The following SLC20A2 variants were observed in gnomAD, a reference collection of about 807,000 sequenced individuals.
SLC20A2 encodes the protein solute carrier family 20 member 2.
SLC20A2 carries 30 observed loss-of-function variants against 61.0 expected under a neutral mutation model. That is an observed-to-expected ratio of 0.49 (90% CI 0.37 to 0.67). The LOEUF is 0.67. Ranked by LOEUF, SLC20A2 falls within the 30% of genes least tolerant of loss-of-function variation. SLC20A2 has a pLI of 0.00. For synonymous variants in SLC20A2, 351 were observed against 353.3 expected (o/e 0.99, Z 0.07); for missense variants, 626 against 866.4 (o/e 0.72, Z 3.48).
At chr8:42,475,707 G>A (rs1808029690) in intron 1 of SLC20A2, among the ~76,000 whole-genome samples, 1 of 151,908 alleles carries the variant, frequency 6.6e-6, no homozygotes, top group African/African-American at 2.4e-5. Flanking sequence ...CACCACACCA[G>A]GGCCCAGAAG....
At chr8:42,452,452 G>A in intron 5 of SLC20A2, among the ~76,000 whole-genome samples, 1 of 148,276 alleles carries the variant, frequency 6.7e-6, no homozygotes, top group African/African-American at 2.5e-5. Flanking sequence ...AGGAGGAGGA[G>A]GAAGAGATGG....
At chr8:42,517,938 ATTAT>A (rs755642461) in intron 1 of SLC20A2, among the ~76,000 whole-genome samples, 39 of 151,760 alleles carry the variant, frequency 2.6e-4, no homozygotes, top group African/African-American at 8.3e-4. Context: ...TTTTTAAAGA[ATTAT>A]TTATTTATTT....
chr8:42,484,936 C>A, intron 1 of SLC20A2: 1 of 402,638 alleles, frequency 2.5e-6, no homozygotes, highest in Non-Finnish European at 5.0e-6. Context: ...GGCCTCCAGG[C>A]CAAGAGGTGA....
At chr8:42,443,451 G>A (rs1360301072) in intron 6 of SLC20A2, among the ~76,000 whole-genome samples, 1 of 151,324 alleles carries the variant, frequency 6.6e-6, no homozygotes, top group Non-Finnish European at 1.5e-5. Context: ...GAGTAGCTGG[G>A]ACTACAGGCA....
intron 5 of SLC20A2, among the ~76,000 whole-genome samples, chr8:42,459,249 A>G (rs992717411): frequency 7.3e-6 from 1 of 137,364 alleles, no homozygotes; most frequent in African/African-American, 3.2e-5. Context: ...AAAAAAAAAA[A>G]AAAAAAAAAA....
chr8:42,448,729 G>A (rs910564053), intron 5 of SLC20A2, among the ~76,000 whole-genome samples: 17 of 152,140 alleles, frequency 1.1e-4, no homozygotes, highest in African/African-American at 4.1e-4. Context: ...ACACGTCACG[G>A]AGGAGGAAGA....
intron 2 of SLC20A2, among the ~76,000 whole-genome samples, 172 bp downstream of exon 2, chr8:42,471,930 T>A (rs1807667776): frequency 1.3e-5 from 2 of 152,208 alleles, no homozygotes; most frequent in Admixed American, 1.3e-4. Flanking sequence ...TTAAACACTT[T>A]AAAAATCATA....
rs1803785655 is a variant in SLC20A2 at position 42,430,572 on chromosome 8, A to G, written c.1524-323T>C. ...GAGATGGGGTTTCACCATGTTGGCCAGGCTGGTCTCGAACCCCTGACCTTG... is the reference window on the plus strand; with the variant it reads ...GAGATGGGGTTTCACCATGTTGGCCGGGCTGGTCTCGAACCCCTGACCTTG... On this transcript the variant is annotated intron_variant, in intron 8 of 10. Coordinates refer to ENST00000520262, the MANE Select transcript of SLC20A2 (RefSeq NM_001257180.2). Among the ~76,000 whole-genome samples the G allele has an allele frequency of 2.0e-5, 3 of 152,164 alleles. No homozygotes were observed. The South Asian group carries it at 6.2e-4, about 31-fold the overall frequency.
intron 1 of SLC20A2, among the ~76,000 whole-genome samples, chr8:42,525,082 T>C (rs1161633192): frequency 6.6e-6 from 1 of 152,184 alleles, no homozygotes; most frequent in African/African-American, 2.4e-5. Flanking sequence ...TGACTCTATA[T>C]TGAAAAGGCA....
At position 42,465,867 on chromosome 8, in the gene SLC20A2, C is replaced by T; in HGVS notation, c.340G>A (p.Gly114Arg). 1 of 1,613,776 alleles carries T rather than the reference C, an allele frequency of 6.2e-7. No homozygotes were observed. The highest frequency in any genetic ancestry group is 8.5e-7 in the Non-Finnish European group (1 of 1,179,890). Residue 114 changes from glycine to arginine, a missense_variant, in exon 3 of 11, where the codon GGA (glycine) becomes AGA (arginine). This residue lies in a region of SLC20A2 where 127 missense variants were observed against 215.4 expected (regional missense o/e 0.59). Coordinates refer to ENST00000520262, the MANE Select transcript of SLC20A2 (RefSeq NM_001257180.2). Reference protein sequence around the residue: ...IASFLRLPISGTHCIVGSTIG... With the variant: ...IASFLRLPISRTHCIVGSTIG... ...GTAGAACCCACAATGCAGTGCGTTC[C>T]TGAGATTGGAAGCCTCAGGAAGGAA...
intron 1 of SLC20A2, among the ~76,000 whole-genome samples, chr8:42,484,291 A>T (rs1168087367): frequency 6.6e-6 from 1 of 152,198 alleles, no homozygotes; most frequent in Non-Finnish European, 1.5e-5. Context: ...TGGCAGTATA[A>T]ACACACTAAA....
At chr8:42,442,333 T>A (rs576021018) in intron 6 of SLC20A2, among the ~76,000 whole-genome samples, 8 of 152,324 alleles carry the variant, frequency 5.3e-5, no homozygotes, top group African/African-American at 1.9e-4. Context: ...TTTCTAAAAG[T>A]CTTATTGTTT....
At chr8:42,464,031 G>T (rs1158311023) in intron 3 of SLC20A2, among the ~76,000 whole-genome samples, 1 of 149,108 alleles carries the variant, frequency 6.7e-6, no homozygotes, top group Non-Finnish European at 1.5e-5. Context: ...TGCCAGGCAG[G>T]CTTACAAGGT....
intron 1 of SLC20A2, among the ~76,000 whole-genome samples, chr8:42,478,684 C>T (rs987456616): frequency 1.3e-5 from 2 of 152,042 alleles, no homozygotes; most frequent in African/African-American, 4.8e-5. Flanking sequence ...TCAAAACTCA[C>T]GAAACTGTTC....
At chr8:42,444,999 T>C (rs1805095345) in intron 5 of SLC20A2, among the ~76,000 whole-genome samples, 1 of 152,244 alleles carries the variant, frequency 6.6e-6, no homozygotes, top group Admixed American at 6.5e-5. Flanking sequence ...ATTAAAGTTT[T>C]ACCAACTGGG....
chr8:42,510,811 A>C (rs144177031), intron 1 of SLC20A2, among the ~76,000 whole-genome samples: 1 of 152,060 alleles, frequency 6.6e-6, no homozygotes, highest in Admixed American at 6.5e-5. Context: ...TGCAAAAATG[A>C]CTCAATGCAC....
chr8:42,435,787 G>A (rs529988084), intron 8 of SLC20A2, among the ~76,000 whole-genome samples: 29 of 152,172 alleles, frequency 1.9e-4, no homozygotes, highest in Non-Finnish European at 4.4e-5. Context: ...TAGGGCCCAC[G>A]AGTGGGACGG....
intron 3 of SLC20A2, among the ~76,000 whole-genome samples, chr8:42,464,090 A>ATTTTTTTTTTTTTTTTTTTTTTTTTTTT (rs1563488008): frequency 5.0e-5 from 1 of 19,996 alleles, no homozygotes; most frequent in African/African-American, 1.1e-4. Context: ...AGGCTGGATG[A>ATTTTTTTTTTTTTTTTTTTTTTTTTTTT]TCTTTTTTTT....
intron 1 of SLC20A2, among the ~76,000 whole-genome samples, chr8:42,494,372 TAA>T (rs1222857062): frequency 6.6e-6 from 1 of 152,184 alleles, no homozygotes; most frequent in Non-Finnish European, 1.5e-5. Flanking sequence ...AGTTACTTTT[TAA>T]AGAGAAAGTT....
Sources: gnomAD v4.1 joint callset for allele counts (sites outside exome capture counted in the v4.1 genomes callset) on GRCh38, gnomAD v4.1.1 for gene constraint, gnomAD v4.1.1 regional missense constraint, MANE v1.5 for transcripts, NCBI Gene and HGNC (gene_info 2026-07-23, HGNC 2026-07-21) for gene names.